The following AWAT2 variants were observed in gnomAD, a reference collection of about 807,000 sequenced individuals.
AWAT2 encodes the protein acyl-CoA wax alcohol acyltransferase 2.
In AWAT2, 9 loss-of-function variants were observed where a neutral mutation model predicts 22.3. That is an observed-to-expected ratio of 0.40 (90% confidence interval 0.24 to 0.70). The LOEUF is 0.70. Among genes scored for constraint, AWAT2 ranks in the 30% least tolerant of loss-of-function variants. The probability of loss-of-function intolerance (pLI) is 0.36; values close to 1 mark genes in which losing one functional copy is unlikely to be tolerated. For synonymous variants in AWAT2, 100 were observed against 93.4 expected (o/e 1.07, Z -0.40); for missense variants, 217 against 265.9 (o/e 0.82, Z 1.28).
chrX:70,042,085 C>A, intron 6 of AWAT2, 102 bp downstream of exon 6: 1 of 1,093,240 alleles, frequency 9.1e-7, no homozygotes, highest in Admixed American at 2.6e-5. Context: ...CCACTCATCC[C>A]AGCCAGCCTC....
chrX:70,042,970 CCTCT>C, intron 5 of AWAT2, 95 bp downstream of exon 5: 1 of 767,860 alleles, frequency 1.3e-6, no homozygotes, highest in Non-Finnish European at 1.8e-6. Context: ...TATACTTCCT[CCTCT>C]CTCTGTGGAT....
chrX:70,045,165 CT>C (rs1164048196), intron 1 of AWAT2, among the ~76,000 whole-genome samples: 1 of 112,309 alleles, frequency 8.9e-6, no homozygotes, highest in African/African-American at 3.2e-5. Flanking sequence ...GAGAACATTT[CT>C]AATTGAACAT....
At chrX:70,042,975 C>G (rs2020338795) in intron 5 of AWAT2, 94 bp downstream of exon 5, 1 of 813,742 alleles carries the variant, frequency 1.2e-6, no homozygotes, top group Middle Eastern at 4.5e-4. Flanking sequence ...TTCCTCCTCT[C>G]TCTGTGGATG....
At position 70,043,943 on chromosome X, in the gene AWAT2, C is replaced by T. The variant is rs142019301; in HGVS notation, c.250G>A (p.Asp84Asn). 1,687 of 1,201,416 alleles carry T rather than the reference C, an allele frequency of 1.4e-3. 17 individuals are homozygous for T. The African/African-American group carries it at 0.023, about 17-fold the overall frequency. ...RHWRLWKHYS[D>N]YFPLKLLKTH... The stretch of plus-strand genomic sequence containing the variant: ...CTACTGACCTTGAGAGGGAAATAAT[C>T]GCTGTAGTGTTTCCACAGGCGCCAG... Residue 84 changes from aspartate to asparagine, a missense_variant, in exon 3 of 8, where the codon GAT becomes AAT. Coordinates refer to ENST00000276101, the MANE Select transcript of AWAT2 (RefSeq NM_001002254.1).
At chrX:70,048,564 T>A (rs1466197871) in intron 1 of AWAT2, among the ~76,000 whole-genome samples, 1 of 111,773 alleles carries the variant, frequency 8.9e-6, no homozygotes, top group Non-Finnish European at 1.9e-5. Context: ...AAGAGTCAAC[T>A]CAAATTCAAG....
In AWAT2 at chrX:70,041,885, C is replaced by T; in HGVS notation, c.925G>A (p.Asp309Asn). ...TGGTCAAACAGTTTACGTAGGGCAT[C>T]AATATAGAGTGTGTGATATTTAGCC... ...IVAKYHTLYI[D>N]ALRKLFDQHK... is the part of the protein sequence containing the mutation. Residue 309 changes from aspartate to asparagine, a missense_variant, in exon 7 of 8, where the codon GAT becomes AAT. Physicochemically the swap from Asp to Asn is conservative, Grantham distance 23. Coordinates refer to ENST00000276101, the MANE Select transcript of AWAT2 (RefSeq NM_001002254.1). 1 of 1,210,297 alleles carries T rather than the reference C, an allele frequency of 8.3e-7. No homozygotes were observed. The highest frequency in any genetic ancestry group is 2.2e-5 in the Admixed American group (1 of 46,025).
chrX:70,041,526 C>T lies in AWAT2; in HGVS notation c.*132G>A, dbSNP rs527254821. 70 of 286,499 alleles carry T rather than the reference C, an allele frequency of 2.4e-4. No homozygotes were observed. The highest frequency in any genetic ancestry group is 1.5e-3 in the African/African-American group (56 of 36,392). The allele number at this position is 286,499 out of a possible 1,213,427, so 23.6% of individuals were successfully genotyped here. ...ATTTTGTCCATTGTTTTCCTCAATGCTGGCACCAAAGTGCCGTCAGGGCAC... is the reference window on the plus strand; with the variant it reads ...ATTTTGTCCATTGTTTTCCTCAATGTTGGCACCAAAGTGCCGTCAGGGCAC... On this transcript the variant is annotated 3_prime_UTR_variant, in exon 8 of 8. Coordinates refer to ENST00000276101, the MANE Select transcript of AWAT2 (RefSeq NM_001002254.1).
At chrX:70,044,294 T>C in intron 2 of AWAT2, 58 bp downstream of exon 2, 1 of 1,184,971 alleles carries the variant, frequency 8.4e-7, no homozygotes, top group Non-Finnish European at 1.1e-6. Context: ...AGGATTGTGA[T>C]GAGAGAAGGG....
At chrX:70,043,812 G>A (rs1181188297) in intron 3 of AWAT2, 114 bp downstream of exon 3, 3 of 991,433 alleles carry the variant, frequency 3.0e-6, no homozygotes, top group East Asian at 3.3e-5. Flanking sequence ...TCCAGGGGGC[G>A]TCATTCTCAA....
chrX:70,043,923 G>A lies in AWAT2; in HGVS notation c.267+3C>T, dbSNP rs2020346913. On this transcript the variant is annotated splice_donor_region_variant and intron_variant, in intron 3 of 7. Transcript: ENST00000276101. ...GCCTGAGTGGGGACCTGGGGCTACT[G>A]ACCTTGAGAGGGAAATAATCGCTGT... The A allele has an allele frequency of 1.7e-6, 2 of 1,200,391 alleles. No homozygotes were observed. Among genetic ancestry groups the A allele is most frequent in the African/African-American group, 3.5e-5 (2 of 56,941 alleles).
chrX:70,045,366 A>T (rs2020355751), intron 1 of AWAT2, among the ~76,000 whole-genome samples: 2 of 112,182 alleles, frequency 1.8e-5, no homozygotes, highest in Admixed American at 1.9e-4. Flanking sequence ...CTGACTTAGA[A>T]CAAAAAAATT....
rs753871553 is a variant in AWAT2, at chrX:70,044,010, C to T, written c.197-14G>A. On this transcript the variant is annotated splice_polypyrimidine_tract_variant and intron_variant, in intron 2 of 7. Transcript: ENST00000276101. ...ACCGGCGGCCGCCTGAAAACAGAGG[C>T]AATGCAGCCAAGCTTTGTCCATTCC... The T allele has an allele frequency of 3.4e-6, 4 of 1,180,590 alleles. No individual in the cohort carries two copies. The South Asian group carries it at 7.5e-5, about 22-fold the overall frequency.
chrX:70,041,125 G>A lies in AWAT2; in HGVS notation c.*533C>T, dbSNP rs1050284222. 1 of 112,716 alleles carries A rather than the reference G, an allele frequency of 8.9e-6. No homozygotes were observed. The highest frequency in any genetic ancestry group is 9.4e-5 in the Admixed American group (1 of 10,611). The allele number at this position is 112,716 out of a possible 1,213,427, so 9.3% of individuals were successfully genotyped here. A position where few individuals can be genotyped will look rare whatever the true frequency, so the allele number is the denominator to read the frequency against. Reference sequence around the variant, plus strand: ...TCAGGGACAGGAAATGGGTAAAATGGTTGGAGAAGAAAATGGTGTAGCTCT... The same window carrying A: ...TCAGGGACAGGAAATGGGTAAAATGATTGGAGAAGAAAATGGTGTAGCTCT... On this transcript the variant is annotated 3_prime_UTR_variant, in exon 8 of 8. Coordinates refer to ENST00000276101, the MANE Select transcript of AWAT2 (RefSeq NM_001002254.1).
chrX:70,042,978 T>C, intron 5 of AWAT2, 91 bp downstream of exon 5: 2 of 828,388 alleles, frequency 2.4e-6, no homozygotes, highest in Non-Finnish European at 3.3e-6. Flanking sequence ...CTCCTCTCTC[T>C]GTGGATGTCC....
rs1429171451 is a variant in AWAT2, at chrX:70,041,615, G to T, written c.*43C>A. ...CACCAGTAGCTGCAAAGAAAGGGCA[G>T]AAAAGAGCTGGAAGGAAAAAAAAGG... On this transcript the variant is annotated 3_prime_UTR_variant, in exon 8 of 8. Coordinates refer to ENST00000276101, the MANE Select transcript of AWAT2 (RefSeq NM_001002254.1). 9 of 422,471 alleles carry T rather than the reference G, an allele frequency of 2.1e-5. No individual in the cohort carries two copies. Among genetic ancestry groups the T allele is most frequent in the Non-Finnish European group, 2.0e-5 (5 of 254,229 alleles). The allele number at this position is 422,471 out of a possible 1,213,427, so 34.8% of individuals were successfully genotyped here.
At position 70,049,866 on chromosome X, in the gene AWAT2, A is replaced by G. The variant is rs1484587269; in HGVS notation, c.67T>C (p.Phe23Leu). Reference protein sequence around the residue: ...LDVFAVFQWSFSALLITTTVI... With the variant: ...LDVFAVFQWSLSALLITTTVI... Reference sequence around the variant, plus strand: ...GACTCACTGATAAGCAAGGCACTGAAGGACCACTGGAAAACAGCAAAGACA... The same window carrying G: ...GACTCACTGATAAGCAAGGCACTGAGGGACCACTGGAAAACAGCAAAGACA... The change falls in exon 1 of 8, where the codon TTC (phenylalanine) becomes CTC (leucine). Residue 23 changes from phenylalanine (F) to leucine (L), a missense_variant. Transcript: ENST00000276101. 1 of 1,211,802 alleles carries G rather than the reference A, an allele frequency of 8.3e-7. No individual in the cohort carries two copies. Among genetic ancestry groups the G allele is most frequent in the African/African-American group, 1.7e-5 (1 of 57,850 alleles).
chrX:70,049,511 A>G (rs1165106876), intron 1 of AWAT2, among the ~76,000 whole-genome samples: 1 of 111,360 alleles, frequency 9.0e-6, no homozygotes, highest in Non-Finnish European at 1.9e-5. Context: ...GGCTAGCCTC[A>G]GTGGAACTGC....
chrX:70,041,724 G>C, intron 7 of AWAT2, 49 bp downstream of exon 7: 25 of 1,011,504 alleles, frequency 2.5e-5, no homozygotes, highest in Non-Finnish European at 3.2e-5. Flanking sequence ...AGGAGCGGGA[G>C]CCTGATAGGT....
intron 4 of AWAT2, 70 bp downstream of exon 4, chrX:70,043,408 C>G: frequency 9.5e-7 from 1 of 1,054,523 alleles, no homozygotes; most frequent in Non-Finnish European, 1.3e-6. Flanking sequence ...CTTGCTCTCA[C>G]GCATCCCCCT....
Sources: gnomAD v4.1 joint callset for allele counts (sites outside exome capture counted in the v4.1 genomes callset) on GRCh38, gnomAD v4.1.1 for gene constraint, MANE v1.5 for transcripts, NCBI Gene and HGNC (gene_info 2026-07-23, HGNC 2026-07-21) for gene names.